The following C16orf95 variants were observed in gnomAD, a reference collection of about 807,000 sequenced individuals.
C16orf95 encodes the protein chromosome 16 open reading frame 95.
Under a neutral mutation model 32.1 loss-of-function variants are expected in C16orf95, and 41 were observed. The ratio of observed to expected loss-of-function variants is 1.28; its 90% CI spans 1.00 to 1.66. The LOEUF is 1.66. Among genes scored for constraint, C16orf95 ranks in the 40% most tolerant of loss-of-function variants. C16orf95 has a pLI of 0.00. For missense variants in C16orf95, 399 were observed against 325.9 expected (o/e 1.22, Z -1.73); for synonymous variants, 147 against 128.9 (o/e 1.14, Z -0.95).
rs1221831906 is a variant in C16orf95 at position 87,303,094 on chromosome 16, C to A, written c.702-19G>T. The A allele has an allele frequency of 1.3e-6, 2 of 1,536,042 alleles. No homozygotes were observed. The highest frequency in any genetic ancestry group is 1.7e-6 in the Non-Finnish European group (2 of 1,146,862). ...ACACTGGCTGGAAAGCAAAGAGAGA[C>A]AGTTACTAGGACCCGGCCCCAGGCT... On this transcript the variant is annotated intron_variant, in intron 6 of 6. Transcript: ENST00000567970.
At chr16:87,306,323 A>G (rs1258504672) in intron 5 of C16orf95, among the ~76,000 whole-genome samples, 2 of 152,206 alleles carry the variant, frequency 1.3e-5, no homozygotes, top group Non-Finnish European at 2.9e-5. Flanking sequence ...GAAATTTTCC[A>G]TAACAAAAGT....
chr16:87,310,264 G>C lies in C16orf95; in HGVS notation c.514+33C>G, dbSNP rs1567604474. 4 of 1,534,770 alleles carry C rather than the reference G, an allele frequency of 2.6e-6. No homozygotes were observed. In the Admixed American group the frequency reaches 5.9e-5, roughly 23 times the overall value. On this transcript the variant is annotated intron_variant, in intron 5 of 6. Coordinates refer to ENST00000567970, the MANE Select transcript of C16orf95 (RefSeq NM_001195124.3). ...ACGAACCCCACCTTTCTGGGGAGGG[G>C]GATGATATGAGACACACACACACTG... is the stretch of plus-strand genomic sequence containing the variant.
At chr16:87,308,356 C>T (rs1307071314) in intron 5 of C16orf95, among the ~76,000 whole-genome samples, 2 of 152,090 alleles carry the variant, frequency 1.3e-5, no homozygotes, top group African/African-American at 4.8e-5. Context: ...TGGCACACAC[C>T]TGTAATCCCA....
intron 5 of C16orf95, among the ~76,000 whole-genome samples, chr16:87,307,989 C>T (rs1344501416): frequency 6.6e-6 from 1 of 152,058 alleles, no homozygotes; most frequent in East Asian, 1.9e-4. Context: ...AGAAAGAAGA[C>T]AGAAAGAGCC....
rs1267518071 is a variant in C16orf95, at chr16:87,311,152, G to A, written c.475C>T (p.Gln159Ter). 1 of 1,524,410 alleles carries A rather than the reference G, an allele frequency of 6.6e-7. No individual in the cohort carries two copies. Among genetic ancestry groups the A allele is most frequent in the Non-Finnish European group, 8.8e-7 (1 of 1,138,404 alleles). The allele number at this position is 1,524,410 out of a possible 1,614,324, so 94.4% of individuals were successfully genotyped here. ...WVPQVLRSQQ[Q>*]IVRRQQSLKG... Reference sequence around the variant, plus strand: ...TGCAGTGTGCGCCTCCTCCTTACCTGCTGCTGAGACCTCAGGACCTGGGGC... The same window carrying A: ...TGCAGTGTGCGCCTCCTCCTTACCTACTGCTGAGACCTCAGGACCTGGGGC... The change falls in exon 4 of 7, where the codon CAG (glutamine) becomes TAG (stop). Residue 159 changes from glutamine (Q) to a stop codon, truncating the protein, a stop_gained and splice_region_variant. Coordinates refer to ENST00000567970, the MANE Select transcript of C16orf95 (RefSeq NM_001195124.3). LOFTEE classifies it high-confidence loss of function.
chr16:87,308,905 G>C (rs1052400203), intron 5 of C16orf95, among the ~76,000 whole-genome samples: 1 of 152,222 alleles, frequency 6.6e-6, no homozygotes, highest in Non-Finnish European at 1.5e-5. Flanking sequence ...AGATGTCTAC[G>C]CTGTTGGCTA....
chr16:87,309,876 C>T (rs952636450), intron 5 of C16orf95, among the ~76,000 whole-genome samples: 5 of 152,080 alleles, frequency 3.3e-5, no homozygotes, highest in East Asian at 3.8e-4. Context: ...TTTGAATATA[C>T]AATATGCCAT....
rs531125577 is a variant in C16orf95, at chr16:87,314,979, G to A, written c.322C>T (p.Arg108Ter). 92 of 1,535,728 alleles carry A rather than the reference G, an allele frequency of 6.0e-5. No individual in the cohort carries two copies. Among genetic ancestry groups the A allele is most frequent in the East Asian group, 2.7e-4 (11 of 40,914 alleles). Residue 108 changes from arginine to a stop codon, truncating the protein, a stop_gained, in exon 3 of 7, where the codon CGA becomes TGA. Transcript: ENST00000567970. LOFTEE classifies it high-confidence loss of function. ...TGGTTCAAGTCACCTACCTGCTTTC[G>A]GGGTCTCAGGGACAGAGGGACCCAG... ...PYWVPLSLRPRKQSQKTVQFP... is the reference protein window; with the variant it reads ...PYWVPLSLRP
intron 5 of C16orf95, among the ~76,000 whole-genome samples, chr16:87,309,748 T>G (rs185564990): frequency 3.3e-5 from 5 of 152,310 alleles, no homozygotes; most frequent in Non-Finnish European, 7.4e-5. Context: ...GTATTGTGAA[T>G]ACATGAATGT....
intron 2 of C16orf95, 142 bp downstream of exon 2, chr16:87,315,630 A>T: frequency 1.6e-6 from 1 of 633,752 alleles, no homozygotes; most frequent in Non-Finnish European, 2.5e-6. Context: ...CTGGAGGCCC[A>T]GGGATAGCTC....
rs1479315543 is a variant in C16orf95, at chr16:87,317,107, T to C, written c.136A>G (p.Ser46Gly). 20 of 1,527,530 alleles carry C rather than the reference T, an allele frequency of 1.3e-5. No individual in the cohort carries two copies. The highest frequency in any genetic ancestry group is 1.7e-5 in the Non-Finnish European group (19 of 1,141,760). The allele number at this position is 1,527,530 out of a possible 1,614,324, so 94.6% of individuals were successfully genotyped here. A position where few individuals can be genotyped will look rare whatever the true frequency, so the allele number is the denominator to read the frequency against. The part of the protein sequence containing the change: ...VGLCRLALTP[S>G]AQDGRNSTFQ... ...CTCACTTGCCTGCCATCCTGCGCGC[T>C]GGGTGTGAGTGCCAACCTGCAGAGC... Residue 46 changes from serine (S) to glycine (G), a missense_variant, in exon 1 of 7, where the codon AGC becomes GGC. Transcript: ENST00000567970.
chr16:87,306,137 C>G (rs1207505347), intron 5 of C16orf95: 3 of 399,628 alleles, frequency 7.5e-6, no homozygotes, highest in African/African-American at 6.2e-5. Context: ...GAGGCTTGCT[C>G]TTTTAGAACA....
At chr16:87,315,872 A>G (rs1904321213) in intron 1 of C16orf95, 49 bp from the exon 2 acceptor site, 2 of 1,402,572 alleles carry the variant, frequency 1.4e-6, no homozygotes, top group African/African-American at 2.9e-5. Flanking sequence ...ACTAGGGGGC[A>G]GGGATGCTAG....
At chr16:87,304,776 C>A (rs778395022) in intron 6 of C16orf95, among the ~76,000 whole-genome samples, 10 of 152,252 alleles carry the variant, frequency 6.6e-5, no homozygotes, top group Non-Finnish European at 1.5e-4. Context: ...CCCGCTCCCG[C>A]TCCCAGCCGT....
chr16:87,307,950 G>A (rs1029692157), intron 5 of C16orf95, among the ~76,000 whole-genome samples: 5 of 152,098 alleles, frequency 3.3e-5, no homozygotes, highest in Non-Finnish European at 7.4e-5. Context: ...GAAAATGGGT[G>A]CCCTTTAAAG....
At position 87,317,347 on chromosome 16, in the gene C16orf95, G is replaced by A; in HGVS notation, c.-105C>T. The A allele has an allele frequency of 7.0e-7, 1 of 1,428,366 alleles. No individual in the cohort carries two copies. Among genetic ancestry groups the A allele is most frequent in the Non-Finnish European group, 9.2e-7 (1 of 1,092,094 alleles). The allele number at this position is 1,428,366 out of a possible 1,614,324, so 88.5% of individuals were successfully genotyped here. ...CTGCCCCAGGAGGAACCCAACCCGA[G>A]CTCAACCCCAGCCCCAACCTCAACC... On this transcript the variant is annotated 5_prime_UTR_variant, in exon 1 of 7. Coordinates refer to ENST00000567970, the MANE Select transcript of C16orf95 (RefSeq NM_001195124.3).
intron 5 of C16orf95, among the ~76,000 whole-genome samples, chr16:87,306,494 ACATT>A (rs1423662685): frequency 1.3e-5 from 2 of 152,146 alleles, no homozygotes; most frequent in Non-Finnish European, 2.9e-5. Flanking sequence ...TATAAAATAT[ACATT>A]AATTATATTA....
In C16orf95 at chr16:87,305,987, C is replaced by T; in HGVS notation, c.515-82G>A. ...CACGAGGAGGCTGCAACACCAGCCC[C>T]AGAGCCTCCGGGAAATGGGGACTTC... On this transcript the variant is annotated intron_variant, in intron 5 of 6. Transcript: ENST00000567970. The surrounding 1 kb of genome is among the most constrained non-coding windows in gnomAD (Gnocchi z 4.2). The T allele has an allele frequency of 8.8e-7, 1 of 1,136,520 alleles. No individual in the cohort carries two copies. Among genetic ancestry groups the T allele is most frequent in the Non-Finnish European group, 1.2e-6 (1 of 866,032 alleles). 70.4% of individuals were successfully genotyped at this position (1,136,520 alleles called of 1,614,324 possible).
At chr16:87,303,273 G>T (rs1978491) in intron 6 of C16orf95, 198 bp from the exon 7 acceptor site, 19,759 of 582,040 alleles carry the variant, frequency 0.034, 2,210 homozygotes, top group African/African-American at 0.28. Flanking sequence ...CTTTCCAGCC[G>T]CAGGACTGGG....
Sources: gnomAD v4.1 joint callset for allele counts (sites outside exome capture counted in the v4.1 genomes callset) on GRCh38, gnomAD v4.1.1 for gene constraint, Gnocchi (gnomAD v3.1) non-coding constraint, MANE v1.5 for transcripts, NCBI Gene and HGNC (gene_info 2026-07-23, HGNC 2026-07-21) for gene names.